LRRC31: variants seen among roughly 807,000 people sequenced by gnomAD.
The protein encoded by LRRC31 is leucine rich repeat containing 31.
Under a neutral mutation model 46.7 loss-of-function variants are expected in LRRC31, and 35 were observed. The observed-to-expected ratio is 0.75, with a 90% CI of 0.57 to 0.99. LRRC31 has a LOEUF of 0.99. Ranked by LOEUF, LRRC31 falls within the 50% of genes least tolerant of loss-of-function variation. The pLI, the probability that LRRC31 is intolerant of heterozygous loss-of-function variation, is 0.00. For missense variants in LRRC31, 613 were observed against 626.1 expected, an observed-to-expected ratio of 0.98 and a Z score of 0.22; for synonymous variants, 236 against 235.1, an observed-to-expected ratio of 1.00 and a Z score of -0.03.
At chr3:169,854,783 T>A in intron 6 of LRRC31, 30 bp downstream of exon 6, 1 of 1,549,818 alleles carries the variant, frequency 6.5e-7, no homozygotes, top group Non-Finnish European at 8.8e-7. Flanking sequence ...ATTCCAAAAG[T>A]CTTTCCTTTG....
intron 6 of LRRC31, among the ~76,000 whole-genome samples, chr3:169,852,106 T>C (rs1351707638): frequency 6.6e-6 from 1 of 152,006 alleles, no homozygotes; most frequent in Admixed American, 6.6e-5. Flanking sequence ...CTAATACTCT[T>C]AGCCCTCTCG....
intron 8 of LRRC31, among the ~76,000 whole-genome samples, chr3:169,841,969 C>T (rs1780464025): frequency 6.6e-6 from 1 of 152,082 alleles, no homozygotes; most frequent in Non-Finnish European, 1.5e-5. Flanking sequence ...TGCTTGAACC[C>T]AGGAGGTGGA....
intron 8 of LRRC31, among the ~76,000 whole-genome samples, chr3:169,846,271 T>C (rs553344667): frequency 6.6e-6 from 1 of 152,364 alleles, no homozygotes; most frequent in East Asian, 1.9e-4. Context: ...AATGCAAATT[T>C]CTTGTTTGCA....
In LRRC31 at chr3:169,839,544, C is replaced by T. The variant is rs1029783980; in HGVS notation, c.*438G>A. 1 of 151,774 alleles carries T rather than the reference C, an allele frequency of 6.6e-6. No homozygotes were observed. The highest frequency in any genetic ancestry group is 2.4e-5 in the African/African-American group (1 of 41,320). The allele number at this position is 151,774 out of a possible 1,614,324, so 9.4% of individuals were successfully genotyped here. On this transcript the variant is annotated 3_prime_UTR_variant, in exon 9 of 9. Coordinates refer to ENST00000316428, the MANE Select transcript of LRRC31 (RefSeq NM_024727.4). ...TAGAATTACACACACACACACATAC[C>T]CCTTTATATTTAGAACATTTAACTT...
chr3:169,840,366 G>A, intron 8 of LRRC31, 53 bp from the exon 9 acceptor site: 1 of 1,558,620 alleles, frequency 6.4e-7, no homozygotes, highest in Non-Finnish European at 8.8e-7. Flanking sequence ...TGTCTGCCAT[G>A]GCTATTCCCA....
chr3:169,860,854 G>T lies in LRRC31; in HGVS notation c.320-126C>A, dbSNP rs1244991927. The stretch of plus-strand genomic sequence containing the variant: ...TAAGAGAATAGACAGTGGTAGGCAC[G>T]CTGACTTTGGGCAAAGCAGGGAGCC... On this transcript the variant is annotated intron_variant, in intron 2 of 8. Transcript: ENST00000316428. 4.2e-6 allele frequency: 4 copies of T among 943,082 alleles called. 1 individual carries two copies. In the South Asian group the frequency reaches 5.0e-5, roughly 12 times the overall value. 58.4% of individuals were successfully genotyped at this position (943,082 alleles called of 1,614,324 possible).
intron 3 of LRRC31, among the ~76,000 whole-genome samples, chr3:169,857,415 C>CATATATATATATATATAT (rs1553924970): frequency 0.011 from 1,054 of 98,628 alleles, 39 homozygotes; most frequent in African/African-American, 0.036. Context: ...TATACATATA[C>CATATATATATATATATAT]ATATATATAT....
intron 4 of LRRC31, 25 bp from the exon 5 acceptor site, chr3:169,856,528 G>C (rs1435400946): frequency 6.3e-7 from 1 of 1,577,720 alleles, no homozygotes; most frequent in Non-Finnish European, 8.6e-7. Flanking sequence ...ATCCAAATAA[G>C]AAGGGTAGGT....
intron 7 of LRRC31, among the ~76,000 whole-genome samples, chr3:169,850,605 T>C (rs1286377198): frequency 2.0e-5 from 3 of 152,236 alleles, no homozygotes; most frequent in Non-Finnish European, 2.9e-5. Flanking sequence ...ATCCTGCCTC[T>C]GGCTCTTATG....
At chr3:169,869,554 T>A in intron 1 of LRRC31, 79 bp downstream of exon 1, 2 of 1,333,886 alleles carry the variant, frequency 1.5e-6, no homozygotes, top group Non-Finnish European at 2.0e-6. Flanking sequence ...CCACAAAAAT[T>A]AAAAATAAAA....
chr3:169,865,113 G>A (rs919165339), intron 1 of LRRC31, among the ~76,000 whole-genome samples: 2 of 151,524 alleles, frequency 1.3e-5, no homozygotes, highest in Non-Finnish European at 3.0e-5. Context: ...TTAGCCCAGT[G>A]TAGTGGCGGG....
At chr3:169,846,442 G>A (rs1780607557) in intron 8 of LRRC31, among the ~76,000 whole-genome samples, 1 of 152,176 alleles carries the variant, frequency 6.6e-6, no homozygotes, top group Admixed American at 6.5e-5. Context: ...CTGAGGTCAG[G>A]TGTTTGAGAC....
At chr3:169,856,075 G>T (rs983896224) in intron 5 of LRRC31, among the ~76,000 whole-genome samples, 1 of 151,742 alleles carries the variant, frequency 6.6e-6, no homozygotes, top group Middle Eastern at 3.2e-3. Flanking sequence ...TAGAGATGGG[G>T]TTTCACCATG....
At chr3:169,867,038 G>GTTTTTTTTTTTTTTTTTTTTTT (rs1324128884) in intron 1 of LRRC31, among the ~76,000 whole-genome samples, 3 of 126,324 alleles carry the variant, frequency 2.4e-5, no homozygotes, top group Middle Eastern at 3.7e-3. Context: ...TTGGCCATGG[G>GTTTTTTTTTTTTTTTTTTTTTT]TTTTTTTTGT....
chr3:169,860,704 T>C lies in LRRC31; in HGVS notation c.344A>G (p.Asp115Gly). The change falls in exon 3 of 9, where the codon GAC (aspartate) becomes GGC (glycine). Residue 115 changes from aspartate (D) to glycine (G), a missense_variant. Coordinates refer to ENST00000316428, the MANE Select transcript of LRRC31 (RefSeq NM_024727.4). ...EMVALLPFLP[D>G]LEELDISWNG... Reference sequence around the variant, plus strand: ...CCAGGAGATATCCAGTTCTTCCAAGTCTGGGAGAAAAGGCAGCAAGGCAAC... The same window carrying C: ...CCAGGAGATATCCAGTTCTTCCAAGCCTGGGAGAAAAGGCAGCAAGGCAAC... 6.2e-7 allele frequency: 1 copy of C among 1,614,030 alleles called. No homozygotes were observed. Among genetic ancestry groups the C allele is most frequent in the East Asian group, 2.2e-5 (1 of 44,880 alleles).
intron 3 of LRRC31, among the ~76,000 whole-genome samples, chr3:169,860,319 C>T (rs1781108775): frequency 6.6e-6 from 1 of 151,446 alleles, no homozygotes; most frequent in Non-Finnish European, 1.5e-5. Context: ...CTTCCGCCTC[C>T]CAGGTTCAAG....
Position 169,861,702 on chromosome 3 carries a change from C to T in LRRC31, c.287G>A (p.Cys96Tyr). 3 of 1,614,140 alleles carry T rather than the reference C, an allele frequency of 1.9e-6. No homozygotes were observed. Among genetic ancestry groups the T allele is most frequent in the Non-Finnish European group, 2.5e-6 (3 of 1,180,012 alleles). ...TTTCATGTCCGCTGTTGTTAATCCA[C>T]AGTTATTCAAATCTAGACACTTGTT... is the stretch of plus-strand genomic sequence containing the variant. ...AVNKCLDLNN[C>Y]GLTTADMKEM... Residue 96 changes from cysteine to tyrosine, a missense_variant, in exon 2 of 9, where the codon TGT becomes TAT. Transcript: ENST00000316428.
At chr3:169,869,599 A>G in intron 1 of LRRC31, 34 bp downstream of exon 1, 1 of 1,537,656 alleles carries the variant, frequency 6.5e-7, no homozygotes. Flanking sequence ...CAAAACAAAT[A>G]CAACAGCAAA....
intron 8 of LRRC31, among the ~76,000 whole-genome samples, chr3:169,845,815 C>CA (rs142429105): frequency 0.067 from 10,159 of 151,890 alleles, 393 homozygotes; most frequent in Admixed American, 0.099. Flanking sequence ...AGATGCAACA[C>CA]AAAAAAACTC....
Sources: allele counts gnomAD v4.1 joint callset (sites outside exome capture counted in the v4.1 genomes callset), GRCh38; gene constraint gnomAD v4.1.1; transcripts MANE v1.5; gene names NCBI Gene and HGNC (gene_info 2026-07-23, HGNC 2026-07-21).